Variants in CDH8 observed in about 807,000 individuals in gnomAD.
CDH8 encodes cadherin 8.
A neutral mutation model predicts 68.1 loss-of-function variants in CDH8; 17 were observed. The observed-to-expected ratio is 0.25, with a 90% confidence interval of 0.17 to 0.37. The LOEUF is 0.37. CDH8 is among the 10% of genes least tolerant of loss of function. CDH8 has a pLI of 1.00. For missense variants in CDH8, 763 were observed against 999.3 expected (o/e 0.76, Z 3.19); for synonymous variants, 372 against 365.1 (o/e 1.02, Z -0.21).
Position 61,760,461 on chromosome 16 carries a change from C to T in CDH8, c.1414+28885G>A, listed in dbSNP as rs975647382. Reference sequence around the variant, plus strand: ...CAGTAGCTGGGATTACAGGTGCCCACCACCATGCCCAGCTAATTTTTTTGA... The same window carrying T: ...CAGTAGCTGGGATTACAGGTGCCCATCACCATGCCCAGCTAATTTTTTTGA... On this transcript the variant is annotated intron_variant, in intron 8 of 11. Coordinates refer to ENST00000577390, the MANE Select transcript of CDH8 (RefSeq NM_001796.5). Among the ~76,000 whole-genome samples the T allele has an allele frequency of 1.7e-4, 26 of 151,848 alleles. 1 individual carries two copies. The highest frequency in any genetic ancestry group is 5.8e-4 in the African/African-American group (24 of 41,324).
chr16:61,829,218 A>G (rs145610759), intron 4 of CDH8, among the ~76,000 whole-genome samples: 4 of 151,954 alleles, frequency 2.6e-5, no homozygotes, highest in African/African-American at 7.2e-5. Context: ...AGATATCGTT[A>G]AAGTAAAATT....
At chr16:61,861,405 G>C (rs1963147183) in intron 3 of CDH8, among the ~76,000 whole-genome samples, 1 of 152,084 alleles carries the variant, frequency 6.6e-6, no homozygotes. Context: ...TGGAAGATAG[G>C]ATATTTTCTC....
chr16:61,943,959 C>A (rs1964762629), intron 2 of CDH8, among the ~76,000 whole-genome samples: 1 of 152,158 alleles, frequency 6.6e-6, no homozygotes. Flanking sequence ...GAAGAAAACT[C>A]TCAAGTAGAC....
Position 61,960,001 on chromosome 16 carries a change from TATATATATATATATAC to T in CDH8, c.253-58544_253-58529del, listed in dbSNP as rs1567545536. Reference sequence around the variant, plus strand: ...GTGTGTGTGTATATATATATATATATATATATATATATATACACACATACACACACACACACAACAT... The same window carrying T: ...GTGTGTGTGTATATATATATATATATACACATACACACACACACACAACAT... On this transcript the variant is annotated intron_variant, in intron 2 of 11. Coordinates refer to ENST00000577390, the MANE Select transcript of CDH8 (RefSeq NM_001796.5). Among the ~76,000 whole-genome samples the T allele has an allele frequency of 3.6e-4, 29 of 81,326 alleles. 3 individuals are homozygous for T. Among genetic ancestry groups the T allele is most frequent in the African/African-American group, 2.2e-3 (28 of 12,894 alleles). The allele number at this position is 81,326 out of a possible 152,430, so 53.4% of individuals were successfully genotyped here.
chr16:61,749,112 C>T (rs186585579), intron 8 of CDH8, among the ~76,000 whole-genome samples: 72 of 152,070 alleles, frequency 4.7e-4, no homozygotes, highest in African/African-American at 1.3e-3. Context: ...TACAATAAAA[C>T]GTACACAGAT....
intron 11 of CDH8, among the ~76,000 whole-genome samples, chr16:61,654,503 AAAG>A (rs1230796229): frequency 6.6e-6 from 1 of 152,174 alleles, no homozygotes; most frequent in Non-Finnish European, 1.5e-5. Context: ...TATTAAAAAA[AAAG>A]GAGTAAACTA....
At chr16:62,003,932 T>C (rs912878684) in intron 2 of CDH8, among the ~76,000 whole-genome samples, 16 of 152,156 alleles carry the variant, frequency 1.1e-4, no homozygotes, top group Non-Finnish European at 1.3e-4. Context: ...TAAAATGTAT[T>C]CCTTCCTCAG....
intron 1 of CDH8, among the ~76,000 whole-genome samples, chr16:62,034,367 T>C (rs1308806210): frequency 1.3e-5 from 2 of 152,178 alleles, no homozygotes; most frequent in African/African-American, 4.8e-5. Flanking sequence ...AAAATCCCAC[T>C]TTCGAATCTT....
At chr16:61,922,407 A>G (rs75338799) in intron 2 of CDH8, among the ~76,000 whole-genome samples, 17,389 of 152,040 alleles carry the variant, frequency 0.11, 1,304 homozygotes, top group East Asian at 0.3. Context: ...AAAATAAAAC[A>G]CTCCACCCAG....
At chr16:61,891,601 A>T (rs1381958078) in intron 3 of CDH8, among the ~76,000 whole-genome samples, 1 of 152,190 alleles carries the variant, frequency 6.6e-6, no homozygotes, top group African/African-American at 2.4e-5. Flanking sequence ...GATTGCATCA[A>T]CTGCCTACAT....
intron 8 of CDH8, among the ~76,000 whole-genome samples, chr16:61,742,179 G>A (rs1011149088): frequency 1.3e-5 from 2 of 152,022 alleles, no homozygotes; most frequent in African/African-American, 2.4e-5. Context: ...AGTATTGGTA[G>A]AAAACAAAAT....
At chr16:61,749,385 C>G (rs1960102653) in intron 8 of CDH8, among the ~76,000 whole-genome samples, 1 of 151,916 alleles carries the variant, frequency 6.6e-6, no homozygotes, top group Non-Finnish European at 1.5e-5. Flanking sequence ...AGCTTTGATT[C>G]TAGAAAGAAA....
At chr16:61,972,354 C>A (rs1160567227) in intron 2 of CDH8, among the ~76,000 whole-genome samples, 1 of 152,058 alleles carries the variant, frequency 6.6e-6, no homozygotes, top group Admixed American at 6.6e-5. Flanking sequence ...CTTCTCAACT[C>A]CCTGAGGAGT....
At chr16:61,989,231 C>G (rs915142905) in intron 2 of CDH8, among the ~76,000 whole-genome samples, 5 of 152,140 alleles carry the variant, frequency 3.3e-5, no homozygotes, top group Non-Finnish European at 7.4e-5. Context: ...AATTTGTATT[C>G]TTTGGCAAGG....
At chr16:61,959,974 G>A (rs62052041) in intron 2 of CDH8, among the ~76,000 whole-genome samples, 6,497 of 42,972 alleles carry the variant, frequency 0.15, 500 homozygotes, top group African/African-American at 0.2. Context: ...TGGTGTATGT[G>A]TGTGTGTGTG....
chr16:61,956,667 T>C (rs1341600015), intron 2 of CDH8, among the ~76,000 whole-genome samples: 1 of 152,194 alleles, frequency 6.6e-6, no homozygotes, highest in East Asian at 1.9e-4. Flanking sequence ...AGGAATTTAT[T>C]TTACTTCTCA....
At chr16:61,873,374 A>C (rs1036824336) in intron 3 of CDH8, among the ~76,000 whole-genome samples, 1 of 152,182 alleles carries the variant, frequency 6.6e-6, no homozygotes, top group Non-Finnish European at 1.5e-5. Flanking sequence ...GACACAGGCT[A>C]CTTATGAAGC....
intron 2 of CDH8, among the ~76,000 whole-genome samples, chr16:61,950,060 C>T (rs931522325): frequency 4.0e-5 from 6 of 151,812 alleles, no homozygotes; most frequent in African/African-American, 1.5e-4. Context: ...TGGCTTCTTG[C>T]AGCATATATA....
intron 10 of CDH8, among the ~76,000 whole-genome samples, chr16:61,668,590 T>A (rs1963726396): frequency 6.6e-6 from 1 of 151,484 alleles, no homozygotes; most frequent in South Asian, 2.1e-4. Flanking sequence ...TATCAACAGA[T>A]CTAGAAAGAA....
Sources: gnomAD v4.1 joint callset for allele counts (sites outside exome capture counted in the v4.1 genomes callset) on GRCh38, gnomAD v4.1.1 for gene constraint, MANE v1.5 for transcripts, NCBI Gene and HGNC (gene_info 2026-07-23, HGNC 2026-07-21) for gene names.